Variants in DNAH14 observed in about 807,000 individuals in gnomAD.
DNAH14 encodes dynein axonemal heavy chain 14, also known as axonemal beta dynein heavy chain 14.
In DNAH14, 478 loss-of-function variants were observed where a neutral mutation model predicts 520.9. The observed-to-expected ratio is 0.92, with a 90% CI of 0.85 to 0.99. DNAH14 has a LOEUF of 0.99. Among genes scored for constraint, DNAH14 ranks in the 50% least tolerant of loss-of-function variants. The pLI, the probability that DNAH14 is intolerant of heterozygous loss-of-function variation, is 0.00. For missense variants in DNAH14, 4,831 were observed against 5,234.5 expected, an observed-to-expected ratio of 0.92 and a Z score of 2.38; for synonymous variants, 1,581 against 1,757.2, an observed-to-expected ratio of 0.90 and a Z score of 2.51.
intron 55 of DNAH14, among the ~76,000 whole-genome samples, chr1:225,294,201 GT>G (rs933098670): frequency 2.0e-5 from 3 of 151,628 alleles, no homozygotes; most frequent in African/African-American, 4.8e-5. Context: ...GATGATTGTG[GT>G]TTTTTTTCTA....
At chr1:225,107,615 C>T (rs895800913) in intron 23 of DNAH14, among the ~76,000 whole-genome samples, 3 of 152,108 alleles carry the variant, frequency 2.0e-5, no homozygotes, top group Non-Finnish European at 4.4e-5. Flanking sequence ...GAGACAGAGG[C>T]AGGGGCTCTC....
chr1:225,138,328 G>A (rs897861440), intron 27 of DNAH14, among the ~76,000 whole-genome samples: 3 of 152,230 alleles, frequency 2.0e-5, no homozygotes, highest in African/African-American at 7.2e-5. Context: ...AGAGATTGCA[G>A]CCACTCTCCC....
intron 2 of DNAH14, among the ~76,000 whole-genome samples, chr1:224,953,405 A>C (rs139688536): frequency 6.6e-6 from 1 of 152,138 alleles, no homozygotes; most frequent in Non-Finnish European, 1.5e-5. Flanking sequence ...ATTTTTTAAA[A>C]TGATGTAATT....
chr1:225,133,922 C>T (rs1323820788), intron 27 of DNAH14, among the ~76,000 whole-genome samples: 1 of 152,092 alleles, frequency 6.6e-6, no homozygotes, highest in Non-Finnish European at 1.5e-5. Context: ...TTGTAGTTCT[C>T]CTTGAAGAGG....
chr1:225,393,827 T>G (rs1359430711), intron 84 of DNAH14, among the ~76,000 whole-genome samples: 1 of 150,818 alleles, frequency 6.6e-6, no homozygotes, highest in Non-Finnish European at 1.5e-5. Flanking sequence ...TTTTTTTTGT[T>G]TTTTTTTTTG....
In DNAH14 at chr1:225,232,276, T is replaced by TACACACAC. The variant is rs1353120931; in HGVS notation, c.6518+1126_6518+1127insCACACACA. 2.2e-5 allele frequency among the ~76,000 whole-genome samples: 3 copies of TACACACAC among 135,722 alleles called. No individual in the cohort carries two copies. Among genetic ancestry groups the TACACACAC allele is most frequent in the East Asian group, 2.6e-4 (1 of 3,806 alleles). 89.0% of individuals were successfully genotyped at this position (135,722 alleles called of 152,430 possible). On this transcript the variant is annotated intron_variant, in intron 42 of 85. Coordinates refer to ENST00000682510, the MANE Select transcript of DNAH14 (RefSeq NM_001367479.1). This position sits in a 1 kb window ranked among gnomAD's most constrained non-coding sequence, Gnocchi z 4.2. The stretch of plus-strand genomic sequence containing the variant: ...TTATATATATAAACTGTGATATATA[T>TACACACAC]ATATACACACACACACACACACACG...
rs751958237 is a variant in DNAH14 at position 225,377,478 on chromosome 1, G to A, written c.12716+42G>A. Reference sequence around the variant, plus strand: ...AAAAATTGTTGGTCAAAAATTATCAGGCTGGGTCTGGCAGCTCATGCCTGT... The same window carrying A: ...AAAAATTGTTGGTCAAAAATTATCAAGCTGGGTCTGGCAGCTCATGCCTGT... On this transcript the variant is annotated intron_variant, in intron 79 of 85. Coordinates refer to ENST00000682510, the MANE Select transcript of DNAH14 (RefSeq NM_001367479.1). 21 of 1,509,386 alleles carry A rather than the reference G, an allele frequency of 1.4e-5. No homozygotes were observed. The African/African-American group carries it at 1.8e-4, about 13-fold the overall frequency. 93.5% of individuals were successfully genotyped at this position (1,509,386 alleles called of 1,614,324 possible).
At chr1:225,074,939 G>A (rs1261746124) in intron 17 of DNAH14, among the ~76,000 whole-genome samples, 1 of 152,170 alleles carries the variant, frequency 6.6e-6, no homozygotes, top group East Asian at 1.9e-4. Flanking sequence ...ACTGCTTGGT[G>A]CCCTGGATTC....
chr1:225,284,007 A>T (rs1604778), intron 54 of DNAH14, among the ~76,000 whole-genome samples: 2 of 151,850 alleles, frequency 1.3e-5, no homozygotes, highest in Non-Finnish European at 2.9e-5. Flanking sequence ...TAATATAAAG[A>T]TGTTCTTTAA....
At position 225,051,741 on chromosome 1, in the gene DNAH14, G is replaced by A. The variant is rs2068554193; in HGVS notation, c.2370G>A (p.Met790Ile). ...TGTATATTGACAACGTCATACATAT[G>A]AGCCACACCCTCATACAATCTGTAA... The part of the protein sequence containing the change: ...CLLYIDNVIH[M>I]SHTLIQSVIE... The change falls in exon 17 of 86, where the codon ATG (methionine) becomes ATA (isoleucine). Residue 790 changes from methionine to isoleucine, a missense_variant. Coordinates refer to ENST00000682510, the MANE Select transcript of DNAH14 (RefSeq NM_001367479.1). The A allele has an allele frequency of 1.3e-6, 2 of 1,548,082 alleles. No homozygotes were observed. Among genetic ancestry groups the A allele is most frequent in the Non-Finnish European group, 1.7e-6 (2 of 1,145,844 alleles).
chr1:225,041,415 A>T (rs1375031935), intron 12 of DNAH14, among the ~76,000 whole-genome samples: 1 of 152,224 alleles, frequency 6.6e-6, no homozygotes, highest in Admixed American at 6.5e-5. Context: ...TAGAGGAAAT[A>T]AAACTATTTA....
chr1:225,294,729 C>A (rs1453160586), intron 55 of DNAH14, among the ~76,000 whole-genome samples: 1 of 151,744 alleles, frequency 6.6e-6, no homozygotes, highest in Non-Finnish European at 1.5e-5. Flanking sequence ...GATACTGAGG[C>A]AGGAGAATTG....
intron 27 of DNAH14, among the ~76,000 whole-genome samples, chr1:225,136,426 C>A (rs114845204): frequency 2.6e-5 from 4 of 151,998 alleles, no homozygotes; most frequent in African/African-American, 9.7e-5. Context: ...TTAGTTTGGC[C>A]GGATATGAAA....
At chr1:225,316,215 G>A (rs1394048373) in intron 60 of DNAH14, among the ~76,000 whole-genome samples, 1 of 152,168 alleles carries the variant, frequency 6.6e-6, no homozygotes, top group African/African-American at 2.4e-5. Context: ...CCAAGCTCAG[G>A]AGTCCCAGGT....
intron 41 of DNAH14, among the ~76,000 whole-genome samples, chr1:225,210,911 C>G (rs533911979): frequency 6.4e-4 from 97 of 152,284 alleles, no homozygotes; most frequent in African/African-American, 1.9e-3. Flanking sequence ...AGCAAAGAGT[C>G]CTGACTATTA....
intron 83 of DNAH14, 42 bp downstream of exon 83, chr1:225,389,915 C>G: frequency 6.5e-7 from 1 of 1,534,000 alleles, no homozygotes; most frequent in Non-Finnish European, 8.8e-7. Context: ...CTGGCCCAGG[C>G]AAGTTTGCAC....
intron 54 of DNAH14, 121 bp downstream of exon 54, chr1:225,277,623 G>A (rs1449680150): frequency 7.5e-6 from 3 of 400,140 alleles, no homozygotes; most frequent in African/African-American, 2.1e-5. Flanking sequence ...CAATAACTGA[G>A]TCATAGGGCA....
At chr1:225,237,534 C>G (rs537330570) in intron 42 of DNAH14, among the ~76,000 whole-genome samples, 1 of 152,058 alleles carries the variant, frequency 6.6e-6, no homozygotes, top group Admixed American at 6.5e-5. Context: ...CTCTGGCTGC[C>G]CTTAACATTT....
chr1:225,303,939 G>A (rs2094188977), intron 57 of DNAH14, among the ~76,000 whole-genome samples: 1 of 152,100 alleles, frequency 6.6e-6, no homozygotes, highest in Admixed American at 6.6e-5. Context: ...GGACCAATGG[G>A]ATTGCATCCT....
Sources: allele counts gnomAD v4.1 joint callset (sites outside exome capture counted in the v4.1 genomes callset), GRCh38; gene constraint gnomAD v4.1.1; non-coding constraint Gnocchi (gnomAD v3.1); transcripts MANE v1.5; gene names NCBI Gene and HGNC (gene_info 2026-07-23, HGNC 2026-07-21).